The following MYO5B variants were observed in gnomAD, a reference collection of about 807,000 sequenced individuals.
MYO5B encodes myosin VB.
In MYO5B, 143 loss-of-function variants were observed where a neutral mutation model predicts 229.3. The ratio of observed to expected loss-of-function variants is 0.62; its 90% CI spans 0.54 to 0.72. The LOEUF is 0.72. Ranked by LOEUF, MYO5B falls within the 30% of genes least tolerant of loss-of-function variation. MYO5B has a pLI of 0.00. For synonymous variants in MYO5B, 918 were observed against 885.2 expected, an observed-to-expected ratio of 1.04 and a Z score of -0.66; for missense variants, 2,321 against 2,331.0, an observed-to-expected ratio of 1.00 and a Z score of 0.09.
chr18:50,160,793 A>C (rs1240655091), intron 1 of MYO5B, among the ~76,000 whole-genome samples: 1 of 152,138 alleles, frequency 6.6e-6, no homozygotes, highest in South Asian at 2.1e-4. Flanking sequence ...AATCCTCAGC[A>C]CATATCAACT....
At chr18:49,993,071 C>A (rs1344010277) in intron 5 of MYO5B, among the ~76,000 whole-genome samples, 2 of 152,108 alleles carry the variant, frequency 1.3e-5, no homozygotes, top group Non-Finnish European at 2.9e-5. Flanking sequence ...GTTCAAAACA[C>A]TAGACGATAA....
chr18:49,990,039 A>C (rs975665952), intron 7 of MYO5B, among the ~76,000 whole-genome samples: 1 of 152,192 alleles, frequency 6.6e-6, no homozygotes, highest in Non-Finnish European at 1.5e-5. Flanking sequence ...CTTTGCCTCA[A>C]TCCTAAACTA....
chr18:49,937,709 A>C (rs1027232412), intron 14 of MYO5B, among the ~76,000 whole-genome samples: 1 of 152,180 alleles, frequency 6.6e-6, no homozygotes, highest in African/African-American at 2.4e-5. Context: ...CAAAAAAATT[A>C]TACCAAGTGA....
chr18:50,151,291 CCCA>C (rs1461066965), intron 1 of MYO5B, among the ~76,000 whole-genome samples: 2 of 152,176 alleles, frequency 1.3e-5, no homozygotes. Flanking sequence ...CATACTATAG[CCCA>C]CCACAAGTTC....
rs369505139 is a variant in MYO5B, at chr18:50,055,254, G to T, written c.138+14C>A. 5.9e-6 allele frequency: 1 copy of T among 170,504 alleles called. No individual in the cohort carries two copies. Among genetic ancestry groups the T allele is most frequent in the Non-Finnish European group, 1.1e-5 (1 of 93,664 alleles). 10.6% of individuals were successfully genotyped at this position (170,504 alleles called of 1,614,324 possible). On this transcript the variant is annotated intron_variant, in intron 2 of 39. Transcript: ENST00000285039. ...CACCTCACCCCCGCCCCCCTGCCCCGGACTCACTCTTACCGTTTCATCCTC... is the reference window on the plus strand; with the variant it reads ...CACCTCACCCCCGCCCCCCTGCCCCTGACTCACTCTTACCGTTTCATCCTC...
chr18:50,077,168 T>TAAAAAAAAAAAAAAAAAAAA (rs71169476), intron 1 of MYO5B, among the ~76,000 whole-genome samples: 1 of 81,232 alleles, frequency 1.2e-5, no homozygotes, highest in African/African-American at 4.5e-5. Context: ...TGTGGCAAAG[T>TAAAAAAAAAAAAAAAAAAAA]AAAAAAAAAA....
intron 35 of MYO5B, chr18:49,840,159 G>C (rs1217196701): frequency 1.3e-5 from 2 of 152,276 alleles, no homozygotes; most frequent in Admixed American, 6.5e-5. Context: ...ATGTAATGGA[G>C]TTCTAGGTCC....
At chr18:49,939,027 G>A (rs1024384296) in intron 14 of MYO5B, among the ~76,000 whole-genome samples, 5 of 152,120 alleles carry the variant, frequency 3.3e-5, no homozygotes, top group African/African-American at 1.2e-4. Flanking sequence ...GCTGAGGAGA[G>A]GACTGAATGA....
At chr18:49,983,698 C>G (rs1227593994) in intron 8 of MYO5B, among the ~76,000 whole-genome samples, 1 of 152,118 alleles carries the variant, frequency 6.6e-6, no homozygotes, top group Non-Finnish European at 1.5e-5. Flanking sequence ...ATTAATTTTT[C>G]TATTTTGGAA....
At chr18:49,963,400 T>TTAA (rs1555647579) in intron 10 of MYO5B, among the ~76,000 whole-genome samples, 40 of 147,586 alleles carry the variant, frequency 2.7e-4, no homozygotes, top group Admixed American at 8.1e-4. Flanking sequence ...ACTTATTTAA[T>TTAA]TTAATTAATT....
intron 7 of MYO5B, among the ~76,000 whole-genome samples, chr18:49,986,728 A>T (rs2025874342): frequency 6.6e-6 from 1 of 152,218 alleles, no homozygotes; most frequent in Non-Finnish European, 1.5e-5. Flanking sequence ...TTTTCCCTTT[A>T]CACTCACCTT....
intron 16 of MYO5B, among the ~76,000 whole-genome samples, chr18:49,932,261 G>A (rs2025201355): frequency 6.6e-6 from 1 of 152,160 alleles, no homozygotes; most frequent in African/African-American, 2.4e-5. Context: ...GGCTCACTTG[G>A]TGCTGGTCCC....
rs1406917824 is a variant in MYO5B, at chr18:50,148,425, A to G, written c.27+46342T>C. 7.9e-5 allele frequency among the ~76,000 whole-genome samples: 12 copies of G among 151,810 alleles called. No homozygotes were observed. In the East Asian group the frequency reaches 1.9e-3, roughly 25 times the overall value. ...AATATCCTTGATGAACATTGATGCA[A>G]AAATCCTCAATAAAATACTGGCAAA... is the stretch of plus-strand genomic sequence containing the variant. On this transcript the variant is annotated intron_variant, in intron 1 of 39. Coordinates refer to ENST00000285039, the MANE Select transcript of MYO5B (RefSeq NM_001080467.3).
intron 7 of MYO5B, among the ~76,000 whole-genome samples, chr18:49,987,959 CA>C (rs2025889284): frequency 6.6e-6 from 1 of 152,102 alleles, no homozygotes; most frequent in Non-Finnish European, 1.5e-5. Context: ...CATTTATTCA[CA>C]CCTTAACAAA....
chr18:49,946,569 C>T (rs934057671), intron 14 of MYO5B, among the ~76,000 whole-genome samples: 2 of 152,130 alleles, frequency 1.3e-5, no homozygotes, highest in African/African-American at 4.8e-5. Flanking sequence ...GCTATCTATG[C>T]TTTTAATTTT....
chr18:50,041,678 A>G (rs1324901642), intron 2 of MYO5B, among the ~76,000 whole-genome samples: 1 of 152,212 alleles, frequency 6.6e-6, no homozygotes, highest in Non-Finnish European at 1.5e-5. Context: ...CATTAAAAAA[A>G]AATTTTTTTA....
rs371559656 is a variant in MYO5B, at chr18:49,836,746, T to C, written c.5278A>G (p.Ile1760Val). The C allele has an allele frequency of 5.0e-6, 8 of 1,614,010 alleles. No individual in the cohort carries two copies. The highest frequency in any genetic ancestry group is 4.5e-5 in the East Asian group (2 of 44,890). The stretch of plus-strand genomic sequence containing the variant: ...CTGAGGGAGGTACACAGGGAGCAGA[T>C]AGCCTCTGCGTCCTCCTGGGTTTTC... ...KKKTQEDAEA[I>V]CSLCTSLSTQ... Residue 1760 changes from isoleucine to valine, a missense_variant, in exon 38 of 40, where the codon ATC (isoleucine) becomes GTC (valine). Around this residue, in one of 2 missense-constraint regions of MYO5B, gnomAD observed 208 missense variants for 286.3 expected, o/e 0.73. Transcript: ENST00000285039.
intron 9 of MYO5B, among the ~76,000 whole-genome samples, chr18:49,975,709 G>C (rs1480815175): frequency 2.6e-5 from 4 of 152,146 alleles, no homozygotes; most frequent in Non-Finnish European, 5.9e-5. Flanking sequence ...AATTCCTCCA[G>C]TTTAGGCCTC....
chr18:49,839,439 C>G, intron 35 of MYO5B, 145 bp from the exon 36 acceptor site: 1 of 885,124 alleles, frequency 1.1e-6, no homozygotes, highest in Non-Finnish European at 1.8e-6. Flanking sequence ...TTTACAAAAG[C>G]CTGTCAGTTC....
Sources: gnomAD v4.1 joint callset for allele counts (sites outside exome capture counted in the v4.1 genomes callset) on GRCh38, gnomAD v4.1.1 for gene constraint, gnomAD v4.1.1 regional missense constraint, MANE v1.5 for transcripts, NCBI Gene and HGNC (gene_info 2026-07-23, HGNC 2026-07-21) for gene names.